The following OSTF1 variants were observed in gnomAD, a reference collection of about 807,000 sequenced individuals.
The protein encoded by OSTF1 is osteoclast stimulating factor 1.
Under a neutral mutation model 37.2 loss-of-function variants are expected in OSTF1, and 27 were observed. The observed-to-expected ratio is 0.73, with a 90% CI of 0.54 to 1.00. The LOEUF (loss-of-function observed/expected upper bound fraction) is 1.00, where lower values mean the gene tolerates loss of function less well. Among genes scored for constraint, OSTF1 ranks in the 50% least tolerant of loss-of-function variants. OSTF1 has a pLI of 0.00. For synonymous variants in OSTF1, 82 were observed against 89.2 expected, an observed-to-expected ratio of 0.92 and a Z score of 0.46; for missense variants, 232 against 253.8, an observed-to-expected ratio of 0.91 and a Z score of 0.58.
intron 1 of OSTF1, among the ~76,000 whole-genome samples, chr9:75,092,995 G>A (rs536267823): frequency 1.3e-5 from 2 of 150,968 alleles, no homozygotes; most frequent in East Asian, 3.9e-4. Flanking sequence ...TTGCAATTTC[G>A]TGGTCTTCAG....
chr9:75,114,198 T>C (rs1205090668), intron 1 of OSTF1, among the ~76,000 whole-genome samples: 1 of 152,198 alleles, frequency 6.6e-6, no homozygotes, highest in Non-Finnish European at 1.5e-5. Flanking sequence ...TAAAAATTCA[T>C]TCTGCCGTTG....
chr9:75,139,313 C>T (rs560166167), intron 8 of OSTF1, among the ~76,000 whole-genome samples: 24 of 152,102 alleles, frequency 1.6e-4, no homozygotes, highest in Middle Eastern at 3.4e-3. Flanking sequence ...GGATTACAGG[C>T]GGATGAGCTA....
chr9:75,093,171 T>G lies in OSTF1; in HGVS notation c.34+4445T>G, dbSNP rs77560500. Among the ~76,000 whole-genome samples, 696 of 151,898 alleles carry G rather than the reference T, an allele frequency of 4.6e-3. 2 individuals are homozygous for G. Among genetic ancestry groups the G allele is most frequent in the Middle Eastern group, 0.02 (6 of 294 alleles). ...CCTGAGCTTCCAGAGTATCTGGAAT[T>G]ATAGATGCTCACCACCAAACCTGGC... On this transcript the variant is annotated intron_variant, in intron 1 of 9. Coordinates refer to ENST00000346234, the MANE Select transcript of OSTF1 (RefSeq NM_012383.5).
At chr9:75,095,902 T>G in intron 1 of OSTF1, among the ~76,000 whole-genome samples, 1 of 152,026 alleles carries the variant, frequency 6.6e-6, no homozygotes, top group Non-Finnish European at 1.5e-5. Context: ...CCCCCTTTTT[T>G]TTTTTTTGAG....
intron 1 of OSTF1, among the ~76,000 whole-genome samples, chr9:75,094,629 T>G (rs1230473307): frequency 3.3e-5 from 5 of 151,834 alleles, no homozygotes; most frequent in Non-Finnish European, 7.4e-5. Flanking sequence ...GCCAAAGTTG[T>G]CCTCACTTGC....
At chr9:75,130,056 T>C (rs915457893) in intron 3 of OSTF1, among the ~76,000 whole-genome samples, 1 of 152,156 alleles carries the variant, frequency 6.6e-6, no homozygotes, top group Admixed American at 6.5e-5. Flanking sequence ...TGGGGGCATA[T>C]ATGAAACAAT....
At position 75,139,911 on chromosome 9, in the gene OSTF1, G is replaced by A. The variant is rs1228840036; in HGVS notation, c.488-923G>A. Among the ~76,000 whole-genome samples, 7 of 152,266 alleles carry A rather than the reference G, an allele frequency of 4.6e-5. No individual in the cohort carries two copies. In the South Asian group the frequency reaches 8.3e-4, roughly 18 times the overall value. On this transcript the variant is annotated intron_variant, in intron 8 of 9. Coordinates refer to ENST00000346234, the MANE Select transcript of OSTF1 (RefSeq NM_012383.5). ...TTAGTAAACCATTCTTCAGAAATAC[G>A]TGTGAACAAAGATGTTGTTCAAGGA...
In OSTF1 at chr9:75,127,571, A is replaced by G; in HGVS notation, c.84A>G (p.Pro28=). 3 of 1,569,324 alleles carry G rather than the reference A, an allele frequency of 1.9e-6. No homozygotes were observed. Among genetic ancestry groups the G allele is most frequent in the African/African-American group, 1.4e-5 (1 of 73,242 alleles). The part of the protein sequence containing the change: ...RALYTFEPRT[P]DELYFEEGDI... Reference sequence around the variant, plus strand: ...TCAAACTTTTTTTTTTCTTCTAGCCAGATGAATTATACTTTGAGGAAGGTG... The same window carrying G: ...TCAAACTTTTTTTTTTCTTCTAGCCGGATGAATTATACTTTGAGGAAGGTG... Residue 28 remains proline (P), a splice_region_variant and synonymous_variant, in exon 3 of 10, where the codon CCA becomes CCG. Coordinates refer to ENST00000346234, the MANE Select transcript of OSTF1 (RefSeq NM_012383.5).
chr9:75,118,045 G>A (rs1825520426), intron 2 of OSTF1, among the ~76,000 whole-genome samples: 1 of 152,192 alleles, frequency 6.6e-6, no homozygotes, highest in African/African-American at 2.4e-5. Flanking sequence ...CACTGGTCCA[G>A]GCCTTGTGAC....
At chr9:75,122,102 G>A (rs1825589808) in intron 2 of OSTF1, among the ~76,000 whole-genome samples, 1 of 152,190 alleles carries the variant, frequency 6.6e-6, no homozygotes, top group Non-Finnish European at 1.5e-5. Flanking sequence ...TTTTAATAAA[G>A]TGTCAACCAC....
chr9:75,120,889 C>T (rs1243223302), intron 2 of OSTF1, among the ~76,000 whole-genome samples: 1 of 152,230 alleles, frequency 6.6e-6, no homozygotes, highest in South Asian at 2.1e-4. Context: ...GGCCCTGTCC[C>T]TTCCAAGCTG....
intron 2 of OSTF1, among the ~76,000 whole-genome samples, chr9:75,123,553 T>C (rs956717715): frequency 6.6e-6 from 1 of 152,268 alleles, no homozygotes; most frequent in African/African-American, 2.4e-5. Flanking sequence ...TAGGTGCTCA[T>C]TGAACAATTT....
chr9:75,090,352 G>A (rs1286606755), intron 1 of OSTF1, among the ~76,000 whole-genome samples: 1 of 151,004 alleles, frequency 6.6e-6, no homozygotes, highest in Admixed American at 6.6e-5. Flanking sequence ...TATACATGTG[G>A]GTTCATTCAC....
intron 1 of OSTF1, among the ~76,000 whole-genome samples, chr9:75,097,938 A>G (rs78203473): frequency 0.047 from 7,152 of 150,786 alleles, 218 homozygotes; most frequent in Middle Eastern, 0.076. Context: ...GCTTACTGCA[A>G]CCTCTGCTTC....
intron 2 of OSTF1, among the ~76,000 whole-genome samples, chr9:75,119,230 G>A (rs1825540333): frequency 6.6e-6 from 1 of 152,244 alleles, no homozygotes; most frequent in Non-Finnish European, 1.5e-5. Flanking sequence ...CATGCTGTGA[G>A]CATGGAGTGG....
chr9:75,109,906 CTA>C (rs1215294998), intron 1 of OSTF1, among the ~76,000 whole-genome samples: 1 of 152,122 alleles, frequency 6.6e-6, no homozygotes, highest in Non-Finnish European at 1.5e-5. Flanking sequence ...AATTAATAGA[CTA>C]TTTTTTTTAG....
rs781362528 is a variant in OSTF1 at position 75,137,644 on chromosome 9, C to G, written c.487+28C>G. 2.1e-6 allele frequency: 3 copies of G among 1,423,224 alleles called. No homozygotes were observed. The East Asian group carries it at 6.8e-5, about 32-fold the overall frequency. The allele number at this position is 1,423,224 out of a possible 1,614,324, so 88.2% of individuals were successfully genotyped here. ...AAAGTTTGTGCTGAGTTTATCTGGT[C>G]TTTGCTTGCCCTGAAAAATAGTCTA... On this transcript the variant is annotated intron_variant, in intron 8 of 9. Transcript: ENST00000346234.
intron 1 of OSTF1, among the ~76,000 whole-genome samples, chr9:75,092,858 G>A (rs893655779): frequency 1.3e-5 from 2 of 151,926 alleles, no homozygotes; most frequent in Non-Finnish European, 2.9e-5. Context: ...CAATTCTGTC[G>A]CAGTTTGACC....
At chr9:75,130,817 G>T (rs765425152) in intron 4 of OSTF1, among the ~76,000 whole-genome samples, 176 bp downstream of exon 4, 4 of 152,126 alleles carry the variant, frequency 2.6e-5, no homozygotes, top group Non-Finnish European at 5.9e-5. Context: ...AGATGTGCTT[G>T]AGCCTGACTC....
Sources: allele counts gnomAD v4.1 joint callset (sites outside exome capture counted in the v4.1 genomes callset), GRCh38; gene constraint gnomAD v4.1.1; transcripts MANE v1.5; gene names NCBI Gene and HGNC (gene_info 2026-07-23, HGNC 2026-07-21).